The following PDK1 variants were observed in gnomAD, a reference collection of about 807,000 sequenced individuals.
The protein encoded by PDK1 is [Pyruvate dehydrogenase (acetyl-transferring)] kinase isozyme 1, mitochondrial.
PDK1 carries 39 observed loss-of-function variants against 54.2 expected under a neutral mutation model. The ratio of observed to expected loss-of-function variants is 0.72; its 90% CI spans 0.56 to 0.94. PDK1 has a LOEUF of 0.94. PDK1 is among the 40% of genes least tolerant of loss of function. PDK1 has a pLI of 0.00. For missense variants in PDK1, 552 were observed against 566.0 expected, an observed-to-expected ratio of 0.98 and a Z score of 0.25; for synonymous variants, 221 against 207.1, an observed-to-expected ratio of 1.07 and a Z score of -0.58.
the PDK1 span, chr2:172,723,965 A>C: frequency 6.6e-6 from 1 of 152,196 alleles, no homozygotes; most frequent in African/African-American, 2.4e-5. Context: ...AAAAGCTGGG[A>C]AGAAAAGTTT....
At chr2:172,632,261 G>A in the PDK1 span, among the ~76,000 whole-genome samples, 84 of 151,268 alleles carry the variant, frequency 5.6e-4, no homozygotes, top group African/African-American at 2.0e-3. Flanking sequence ...GATAGAGTGA[G>A]ACTCTGTCTA....
At chr2:172,566,522 A>C (rs1574474913) in intron 5 of PDK1, among the ~76,000 whole-genome samples, 1 of 151,588 alleles carries the variant, frequency 6.6e-6, no homozygotes, top group African/African-American at 2.4e-5. Context: ...GCGCCACTGC[A>C]CTCCAGCCTG....
rs574725968 is a variant in PDK1 at position 172,572,756 on chromosome 2, C to T, written c.945+1932C>T. Among the ~76,000 whole-genome samples, 5 of 152,060 alleles carry T rather than the reference C, an allele frequency of 3.3e-5. No homozygotes were observed. In the East Asian group the frequency reaches 5.8e-4, roughly 18 times the overall value. On this transcript the variant is annotated intron_variant, in intron 8 of 10. Transcript: ENST00000282077. ...AGAAAAAAAGGAAAATACGCAGTAC[C>T]TATGAAGTCACTTCCCGTTTTTCTC... is the stretch of plus-strand genomic sequence containing the variant.
At chr2:172,638,860 C>G in the PDK1 span, among the ~76,000 whole-genome samples, 1 of 152,140 alleles carries the variant, frequency 6.6e-6, no homozygotes, top group African/African-American at 2.4e-5. Context: ...ATTAAACGTT[C>G]TTACATTTGC....
Position 172,606,650 on chromosome 2 carries a change from T to C in PDK1, c.*10681T>C, listed in dbSNP as rs1448103128. 1 of 151,778 alleles carries C rather than the reference T, an allele frequency of 6.6e-6. No homozygotes were observed. Among genetic ancestry groups the C allele is most frequent in the East Asian group, 1.9e-4 (1 of 5,182 alleles). The allele number at this position is 151,778 out of a possible 1,614,324, so 9.4% of individuals were successfully genotyped here. On this transcript the variant is annotated 3_prime_UTR_variant, in exon 11 of 11. Transcript: ENST00000282077. ...GAAGTGGCATCAGTGCTGGTGTTAA[T>C]GGCTGCAGTAAAGTCAAATTCCTAG...
At chr2:172,640,482 A>C in the PDK1 span, among the ~76,000 whole-genome samples, 2 of 152,260 alleles carry the variant, frequency 1.3e-5, no homozygotes, top group African/African-American at 4.8e-5. Context: ...TCAGACAAAG[A>C]CTGAGAGAAA....
At chr2:172,683,447 G>C in the PDK1 span, among the ~76,000 whole-genome samples, 5 of 152,124 alleles carry the variant, frequency 3.3e-5, no homozygotes, top group Admixed American at 1.3e-4. Context: ...TCAGCTTCTG[G>C]GGAGGCCTCA....
At chr2:172,642,813 T>C in the PDK1 span, among the ~76,000 whole-genome samples, 1 of 151,704 alleles carries the variant, frequency 6.6e-6, no homozygotes, top group African/African-American at 2.4e-5. Context: ...CTCCTCCTTC[T>C]TCTTCTCTTT....
the PDK1 span, among the ~76,000 whole-genome samples, chr2:172,639,341 C>T: frequency 1.3e-5 from 2 of 152,192 alleles, no homozygotes; most frequent in African/African-American, 4.8e-5. Context: ...CCTGTGTGCT[C>T]ACTCTCCAAA....
the PDK1 span, among the ~76,000 whole-genome samples, chr2:172,692,613 T>C: frequency 2.0e-5 from 3 of 151,948 alleles, no homozygotes; most frequent in Admixed American, 6.5e-5. Context: ...TCTCCCCAAG[T>C]TGGGGGTTAG....
chr2:172,715,357 G>A, the PDK1 span, among the ~76,000 whole-genome samples: 1 of 152,178 alleles, frequency 6.6e-6, no homozygotes, highest in Non-Finnish European at 1.5e-5. Flanking sequence ...TAAGCCTATG[G>A]AAGTTGAGGC....
At chr2:172,667,755 A>T in the PDK1 span, among the ~76,000 whole-genome samples, 1 of 152,204 alleles carries the variant, frequency 6.6e-6, no homozygotes, top group Non-Finnish European at 1.5e-5. Flanking sequence ...TTACATCACC[A>T]TCACATACTA....
chr2:172,619,060 CTCATACAT>C, the PDK1 span, among the ~76,000 whole-genome samples: 1 of 152,170 alleles, frequency 6.6e-6, no homozygotes, highest in East Asian at 1.9e-4. Context: ...CTTCCTAGTA[CTCATACAT>C]TTCTGTTTTA....
the PDK1 span, among the ~76,000 whole-genome samples, chr2:172,718,716 A>C: frequency 6.6e-6 from 1 of 152,224 alleles, no homozygotes; most frequent in East Asian, 1.9e-4. Flanking sequence ...GTTCTGGGCC[A>C]AAATACAATA....
At chr2:172,695,640 C>T in the PDK1 span, among the ~76,000 whole-genome samples, 2 of 152,094 alleles carry the variant, frequency 1.3e-5, no homozygotes, top group Middle Eastern at 3.2e-3. Context: ...AATTATGTTG[C>T]ATTATATAAA....
the PDK1 span, among the ~76,000 whole-genome samples, chr2:172,713,069 T>C: frequency 1.3e-5 from 2 of 152,092 alleles, no homozygotes; most frequent in African/African-American, 4.8e-5. Flanking sequence ...GTCTCTGCAG[T>C]CCTCAGTGGA....
the PDK1 span, among the ~76,000 whole-genome samples, chr2:172,720,763 G>C: frequency 6.6e-6 from 1 of 152,102 alleles, no homozygotes; most frequent in African/African-American, 2.4e-5. Flanking sequence ...AGCTGTAATG[G>C]GTTTTCATCT....
chr2:172,605,113 C>T lies in PDK1; in HGVS notation c.*9144C>T, dbSNP rs1691243116. On this transcript the variant is annotated 3_prime_UTR_variant, in exon 11 of 11. Transcript: ENST00000282077. ...GTTGGCCCATTTAGTTAGTGACACA[C>T]CTATATTACTCTCCTTGGCATCTTA... The T allele has an allele frequency of 6.6e-6, 1 of 152,166 alleles. No individual in the cohort carries two copies. 9.4% of individuals were successfully genotyped at this position (152,166 alleles called of 1,614,324 possible). A position where few individuals can be genotyped will look rare whatever the true frequency, so the allele number is the denominator to read the frequency against.
At position 172,596,190 on chromosome 2, in the gene PDK1, T is replaced by A; in HGVS notation, c.*221T>A. On this transcript the variant is annotated 3_prime_UTR_variant, in exon 11 of 11. Coordinates refer to ENST00000282077, the MANE Select transcript of PDK1 (RefSeq NM_002610.5). ...TATTTTCACAGTTAATTGAACATATTTTTAAACAACTGTAGTTTTGGGCAA... is the reference window on the plus strand; with the variant it reads ...TATTTTCACAGTTAATTGAACATATATTTAAACAACTGTAGTTTTGGGCAA... 1 of 376,210 alleles carries A rather than the reference T, an allele frequency of 2.7e-6. No homozygotes were observed. The highest frequency in any genetic ancestry group is 4.8e-6 in the Non-Finnish European group (1 of 209,806). 23.3% of individuals were successfully genotyped at this position (376,210 alleles called of 1,614,324 possible).
Sources: gnomAD v4.1 joint callset for allele counts (sites outside exome capture counted in the v4.1 genomes callset) on GRCh38, gnomAD v4.1.1 for gene constraint, MANE v1.5 for transcripts, NCBI Gene and HGNC (gene_info 2026-07-23, HGNC 2026-07-21) for gene names.